TENM2: variants seen among roughly 807,000 people sequenced by gnomAD.
TENM2 encodes the protein teneurin transmembrane protein 2, also known as teneurin-2.
In TENM2, 52 loss-of-function variants were observed where a neutral mutation model predicts 245.2. The observed-to-expected ratio is 0.21, with a 90% CI of 0.17 to 0.27. TENM2 has a LOEUF of 0.27. TENM2 is among the 10% of genes least tolerant of loss of function. The pLI is 1.00. For synonymous variants in TENM2, 1,363 were observed against 1,438.9 expected, an observed-to-expected ratio of 0.95 and a Z score of 1.19; for missense variants, 3,046 against 3,666.8, an observed-to-expected ratio of 0.83 and a Z score of 4.37.
intron 2 of TENM2, among the ~76,000 whole-genome samples, chr5:167,785,917 A>G (rs1764545544): frequency 6.6e-6 from 1 of 152,190 alleles, no homozygotes; most frequent in African/African-American, 2.4e-5. Context: ...GTTATAAAGC[A>G]TGAGTGGGGT....
At chr5:168,217,724 C>T (rs1189056140) in intron 22 of TENM2, among the ~76,000 whole-genome samples, 1 of 152,194 alleles carries the variant, frequency 6.6e-6, no homozygotes, top group Non-Finnish European at 1.5e-5. Flanking sequence ...GGTGCCGCCT[C>T]TAAATGTACA....
the TENM2 span, among the ~76,000 whole-genome samples, chr5:167,150,165 C>T: frequency 1.3e-5 from 2 of 152,128 alleles, no homozygotes; most frequent in Non-Finnish European, 2.9e-5. Context: ...AAGACACCAT[C>T]CACTTTCTTC....
intron 2 of TENM2, among the ~76,000 whole-genome samples, chr5:167,631,950 T>G (rs1406431331): frequency 6.6e-6 from 1 of 152,182 alleles, no homozygotes; most frequent in Non-Finnish European, 1.5e-5. Flanking sequence ...GGGTCAGTTT[T>G]GGTCGCTGTT....
the TENM2 span, among the ~76,000 whole-genome samples, chr5:167,063,886 A>T: frequency 6.6e-6 from 1 of 152,142 alleles, no homozygotes; most frequent in South Asian, 2.1e-4. Flanking sequence ...GATAGTTAGG[A>T]TTTTAGATTA....
At chr5:167,981,630 T>G (rs1206623443) in intron 4 of TENM2, among the ~76,000 whole-genome samples, 1 of 152,190 alleles carries the variant, frequency 6.6e-6, no homozygotes, top group Non-Finnish European at 1.5e-5. Context: ...TGCTCCTAAA[T>G]GTGCTTTGCT....
chr5:167,216,934 A>G, the TENM2 span, among the ~76,000 whole-genome samples: 1 of 152,162 alleles, frequency 6.6e-6, no homozygotes. Flanking sequence ...CTCAAAAAAA[A>G]AAAGACACCA....
chr5:167,669,028 A>G lies in TENM2; in HGVS notation c.503-206958A>G, dbSNP rs557649207. On this transcript the variant is annotated intron_variant, in intron 2 of 28. Transcript: ENST00000518659. ...TAACTGCAGAAGGTGCGCCATTTTAACTGAGCACACACTTGGCATAACAAT... is the reference window on the plus strand; with the variant it reads ...TAACTGCAGAAGGTGCGCCATTTTAGCTGAGCACACACTTGGCATAACAAT... Among the ~76,000 whole-genome samples, 3 of 152,318 alleles carry G rather than the reference A, an allele frequency of 2.0e-5. No individual in the cohort carries two copies. In the East Asian group the frequency reaches 5.8e-4, roughly 29 times the overall value.
intron 2 of TENM2, among the ~76,000 whole-genome samples, chr5:167,714,939 A>G (rs1332542071): frequency 6.6e-6 from 1 of 152,166 alleles, no homozygotes; most frequent in East Asian, 1.9e-4. Context: ...GTAGATAATT[A>G]ATTGAAAACC....
At chr5:168,248,594 C>T (rs1766811307) in intron 27 of TENM2, among the ~76,000 whole-genome samples, 1 of 152,212 alleles carries the variant, frequency 6.6e-6, no homozygotes, top group South Asian at 2.1e-4. Context: ...CTTTCATGTC[C>T]AGTCAGTTGA....
chr5:167,117,874 A>G, the TENM2 span, among the ~76,000 whole-genome samples: 1 of 114,650 alleles, frequency 8.7e-6, no homozygotes, highest in East Asian at 2.6e-4. Flanking sequence ...GAATGTCCCC[A>G]TGAGACAAAA....
At chr5:167,344,282 GCACACACACA>G (rs3067278) in intron 1 of TENM2, among the ~76,000 whole-genome samples, 2 of 134,532 alleles carry the variant, frequency 1.5e-5, no homozygotes, top group African/African-American at 2.9e-5. Context: ...GCACGTGCAC[GCACACACACA>G]CACACACACA....
At chr5:167,841,459 G>A (rs1769511152) in intron 2 of TENM2, among the ~76,000 whole-genome samples, 1 of 152,152 alleles carries the variant, frequency 6.6e-6, no homozygotes, top group Admixed American at 6.6e-5. Flanking sequence ...TACCCCTTGT[G>A]TATATATATG....
At chr5:167,438,250 T>G (rs1343332363) in intron 2 of TENM2, among the ~76,000 whole-genome samples, 1 of 152,218 alleles carries the variant, frequency 6.6e-6, no homozygotes, top group Admixed American at 6.5e-5. Context: ...TGATGTGCCT[T>G]TTTTTGCTTA....
At chr5:167,982,709 T>C (rs1782936288) in intron 4 of TENM2, among the ~76,000 whole-genome samples, 1 of 152,152 alleles carries the variant, frequency 6.6e-6, no homozygotes, top group Non-Finnish European at 1.5e-5. Flanking sequence ...CCCTCTACCA[T>C]AATTAGTGAA....
chr5:167,958,691 T>C (rs928772357), intron 4 of TENM2, among the ~76,000 whole-genome samples: 2 of 152,318 alleles, frequency 1.3e-5, no homozygotes, highest in Admixed American at 1.3e-4. Flanking sequence ...CAAAAATCTC[T>C]CAGCATTTGC....
At chr5:167,221,865 T>C in the TENM2 span, among the ~76,000 whole-genome samples, 32,562 of 152,120 alleles carry the variant, frequency 0.21, 4,165 homozygotes, top group African/African-American at 0.36. Context: ...TAAAGACAGA[T>C]ATATACAACA....
At chr5:167,300,370 G>A (rs1438019655) in intron 1 of TENM2, among the ~76,000 whole-genome samples, 14 of 151,878 alleles carry the variant, frequency 9.2e-5, no homozygotes, top group Admixed American at 7.9e-4. Context: ...AGAGAGGCTG[G>A]GATGAAGATC....
At chr5:167,112,648 T>G in the TENM2 span, among the ~76,000 whole-genome samples, 1 of 152,242 alleles carries the variant, frequency 6.6e-6, no homozygotes, top group South Asian at 2.1e-4. Context: ...ATGAAAAGAC[T>G]GTTTCCAGAT....
chr5:167,297,840 G>A (rs978725809), intron 1 of TENM2, among the ~76,000 whole-genome samples: 1 of 152,060 alleles, frequency 6.6e-6, no homozygotes, highest in African/African-American at 2.4e-5. Context: ...GGGTCACAGG[G>A]TGTTCAGTAG....
Sources: allele counts gnomAD v4.1 joint callset (sites outside exome capture counted in the v4.1 genomes callset), GRCh38; gene constraint gnomAD v4.1.1; transcripts MANE v1.5; gene names NCBI Gene and HGNC (gene_info 2026-07-23, HGNC 2026-07-21).